The following FARP1 variants were observed in gnomAD, a reference collection of about 807,000 sequenced individuals.
The protein encoded by FARP1 is FERM, ARHGEF and pleckstrin domain-containing protein 1.
In FARP1, 52 loss-of-function variants were observed where a neutral mutation model predicts 128.8. The ratio of observed to expected loss-of-function variants is 0.40; its 90% CI spans 0.32 to 0.51. The LOEUF (loss-of-function observed/expected upper bound fraction) is 0.51. Ranked by LOEUF, FARP1 falls within the 20% of genes least tolerant of loss-of-function variation. The probability of loss-of-function intolerance (pLI) is 0.45; values close to 1 mark genes in which losing one functional copy is unlikely to be tolerated. For missense variants in FARP1, 1,333 were observed against 1,367.9 expected (o/e 0.97, Z 0.40); for synonymous variants, 580 against 551.8 (o/e 1.05, Z -0.72).
At chr13:98,258,186 C>T (rs1883704405) in intron 2 of FARP1, among the ~76,000 whole-genome samples, 2 of 152,146 alleles carry the variant, frequency 1.3e-5, no homozygotes, top group Non-Finnish European at 2.9e-5. Context: ...CAAGGATGGT[C>T]TCAATCTCCT....
At chr13:98,393,381 C>A (rs563281617) in intron 11 of FARP1, among the ~76,000 whole-genome samples, 1 of 152,324 alleles carries the variant, frequency 6.6e-6, no homozygotes, top group South Asian at 2.1e-4. Context: ...CTAAATGTTT[C>A]TTCACGAGCT....
Position 98,189,649 on chromosome 13 carries a change from T to C in FARP1, c.-23-23571T>C, listed in dbSNP as rs533428630. ...AAATACGTATTCGAGAGGGAGAATA[T>C]TTACTTATTATTGCCATGCATATTA... On this transcript the variant is annotated intron_variant, in intron 1 of 26. Coordinates refer to ENST00000319562, the MANE Select transcript of FARP1 (RefSeq NM_005766.4). Among the ~76,000 whole-genome samples the C allele has an allele frequency of 4.6e-5, 7 of 152,340 alleles. No individual in the cohort carries two copies. In the South Asian group the frequency reaches 1.5e-3, roughly 32 times the overall value.
At chr13:98,446,565 C>A in intron 25 of FARP1, 101 bp from the exon 26 acceptor site, 1 of 1,264,472 alleles carries the variant, frequency 7.9e-7, no homozygotes. Flanking sequence ...GAGGAGGGAG[C>A]TGCCTGGGCT....
chr13:98,320,575 T>C (rs539017478), intron 2 of FARP1, among the ~76,000 whole-genome samples: 6 of 152,336 alleles, frequency 3.9e-5, no homozygotes, highest in African/African-American at 9.6e-5. Flanking sequence ...CAGATAAGAA[T>C]GAACAGATTT....
intron 2 of FARP1, among the ~76,000 whole-genome samples, chr13:98,297,270 C>A (rs1334766876): frequency 1.3e-5 from 2 of 152,172 alleles, no homozygotes; most frequent in African/African-American, 4.8e-5. Context: ...TCCATAAAAC[C>A]AAAACCTTGT....
chr13:98,314,530 G>A (rs138626833), intron 2 of FARP1, among the ~76,000 whole-genome samples: 20,933 of 151,802 alleles, frequency 0.14, 1,828 homozygotes, highest in East Asian at 0.28. Context: ...TGCCCGCCTC[G>A]GCCTCCCAAA....
At position 98,409,467 on chromosome 13, in the gene FARP1, C is replaced by T. The variant is rs771748804; in HGVS notation, c.1544C>T (p.Pro515Leu). 2.9e-5 allele frequency: 47 copies of T among 1,613,832 alleles called. No individual in the cohort carries two copies. Among genetic ancestry groups the T allele is most frequent in the East Asian group, 8.9e-5 (4 of 44,880 alleles). The change falls in exon 14 of 27, where the codon CCG (proline) becomes CTG (leucine). Residue 515 changes from proline to leucine, a missense_variant. Physicochemically the swap from Pro to Leu is moderately conservative, Grantham distance 98. Coordinates refer to ENST00000319562, the MANE Select transcript of FARP1 (RefSeq NM_005766.4). Reference protein sequence around the residue: ...DTKQASPLISPLLNDQACPRT... With the variant: ...DTKQASPLISLLLNDQACPRT... ...AAGCAGGCCTCTCCCTTGATCAGCC[C>T]GCTGCTGAATGACCAGGCCTGCCCC...
chr13:98,420,417 A>G (rs1449899408), intron 16 of FARP1, among the ~76,000 whole-genome samples: 1 of 152,008 alleles, frequency 6.6e-6, no homozygotes, highest in African/African-American at 2.4e-5. Flanking sequence ...CATGTCCTTT[A>G]CTTCTTCCCT....
intron 2 of FARP1, among the ~76,000 whole-genome samples, chr13:98,341,585 T>G (rs1292020274): frequency 6.6e-6 from 1 of 152,104 alleles, no homozygotes; most frequent in Non-Finnish European, 1.5e-5. Flanking sequence ...TGAGCCAAGA[T>G]CGTGCCACTG....
intron 2 of FARP1, among the ~76,000 whole-genome samples, chr13:98,224,626 C>T (rs1881646604): frequency 1.3e-5 from 2 of 151,930 alleles, no homozygotes; most frequent in African/African-American, 4.8e-5. Flanking sequence ...GAGCTGAGTC[C>T]CTATCTTCTT....
chr13:98,327,533 G>A (rs1296226098), intron 2 of FARP1, among the ~76,000 whole-genome samples: 3 of 152,196 alleles, frequency 2.0e-5, no homozygotes, highest in African/African-American at 7.2e-5. Flanking sequence ...CTAAATCTCA[G>A]GCTTCCTTCT....
In FARP1 at chr13:98,143,260, A is replaced by G. The variant is rs1336207230; in HGVS notation, c.-256A>G. ...CGTCGAGGCGGCCATGGCGACCCGGAGCCCGCTCCCCACCCACCCCGCCTG... is the reference window on the plus strand; with the variant it reads ...CGTCGAGGCGGCCATGGCGACCCGGGGCCCGCTCCCCACCCACCCCGCCTG... On this transcript the variant is annotated 5_prime_UTR_variant, in exon 1 of 27. Transcript: ENST00000319562. The G allele has an allele frequency of 1.3e-5, 2 of 148,692 alleles. No homozygotes were observed. The highest frequency in any genetic ancestry group is 4.9e-5 in the African/African-American group (2 of 40,870). The allele number at this position is 148,692 out of a possible 1,614,324, so 9.2% of individuals were successfully genotyped here.
At chr13:98,415,774 A>G (rs1891350821) in intron 16 of FARP1, among the ~76,000 whole-genome samples, 1 of 152,396 alleles carries the variant, frequency 6.6e-6, no homozygotes, top group South Asian at 2.1e-4. Context: ...TGTTCAGTGC[A>G]TGTATGTGTA....
chr13:98,323,308 AG>A (rs1178440177), intron 2 of FARP1, among the ~76,000 whole-genome samples: 9 of 152,074 alleles, frequency 5.9e-5, no homozygotes, highest in Admixed American at 4.6e-4. Flanking sequence ...AGGTGTGCCC[AG>A]GTAGTGGAAT....
At chr13:98,377,671 T>A (rs1384463857) in intron 5 of FARP1, 150 bp from the exon 6 acceptor site, 3 of 614,958 alleles carry the variant, frequency 4.9e-6, no homozygotes, top group Non-Finnish European at 8.8e-6. Context: ...ATATTTACAC[T>A]GCAGTGAATG....
intron 2 of FARP1, chr13:98,341,122 G>C (rs1389322846): frequency 6.7e-6 from 1 of 148,648 alleles, no homozygotes; most frequent in Non-Finnish European, 1.5e-5. Flanking sequence ...GGGCGAATGT[G>C]GGGGTGTAAA....
At chr13:98,215,841 AG>A (rs1881029633) in intron 2 of FARP1, among the ~76,000 whole-genome samples, 1 of 151,706 alleles carries the variant, frequency 6.6e-6, no homozygotes, top group African/African-American at 2.4e-5. Context: ...TCTAGGCTGA[AG>A]TGCAGTGGTG....
chr13:98,266,729 A>G (rs1371340809), intron 2 of FARP1, among the ~76,000 whole-genome samples: 1 of 152,150 alleles, frequency 6.6e-6, no homozygotes, highest in Non-Finnish European at 1.5e-5. Context: ...GGATGGCATG[A>G]GGCCGGGCGT....
intron 1 of FARP1, among the ~76,000 whole-genome samples, chr13:98,150,496 T>TC (rs1875918733): frequency 6.6e-6 from 1 of 152,226 alleles, no homozygotes. Flanking sequence ...AGTATGAATA[T>TC]TTTCACCCAA....
Sources: allele counts gnomAD v4.1 joint callset (sites outside exome capture counted in the v4.1 genomes callset), GRCh38; gene constraint gnomAD v4.1.1; transcripts MANE v1.5; gene names NCBI Gene and HGNC (gene_info 2026-07-23, HGNC 2026-07-21).